UVRAG: variants seen among roughly 807,000 people sequenced by gnomAD.
UVRAG encodes UV radiation resistance-associated gene protein.
In UVRAG, 19 loss-of-function variants were observed where a neutral mutation model predicts 78.0. The observed-to-expected ratio is 0.24, with a 90% CI of 0.17 to 0.36. UVRAG has a LOEUF of 0.36. Among genes scored for constraint, UVRAG ranks in the 10% least tolerant of loss-of-function variants. The probability of loss-of-function intolerance (pLI) is 1.00; values close to 1 mark genes in which losing one functional copy is unlikely to be tolerated. For missense variants in UVRAG, 740 were observed against 853.8 expected, an observed-to-expected ratio of 0.87 and a Z score of 1.66; for synonymous variants, 323 against 324.6, an observed-to-expected ratio of 1.00 and a Z score of 0.05.
intron 7 of UVRAG, among the ~76,000 whole-genome samples, chr11:75,981,707 T>G (rs866791121): frequency 6.6e-6 from 1 of 152,166 alleles, no homozygotes; most frequent in South Asian, 2.1e-4. Flanking sequence ...TTTGGTATAG[T>G]TACACAGGTC....
chr11:76,020,207 C>T (rs1197056891), intron 12 of UVRAG, among the ~76,000 whole-genome samples: 1 of 151,958 alleles, frequency 6.6e-6, no homozygotes, highest in Admixed American at 6.6e-5. Context: ...TGCTGCCACA[C>T]CTGGGAGTCA....
intron 14 of UVRAG, among the ~76,000 whole-genome samples, chr11:76,117,173 C>G (rs916175962): frequency 6.6e-6 from 1 of 152,106 alleles, no homozygotes. Context: ...AAGCCCTGTC[C>G]CCAAGAGATT....
intron 1 of UVRAG, among the ~76,000 whole-genome samples, chr11:75,842,717 G>A (rs1476255370): frequency 2.0e-5 from 3 of 151,916 alleles, no homozygotes; most frequent in African/African-American, 2.4e-5. Flanking sequence ...CGGGATTACC[G>A]GCATGAGCCA....
chr11:75,883,777 A>AT (rs1183189958), intron 4 of UVRAG, among the ~76,000 whole-genome samples: 1 of 152,006 alleles, frequency 6.6e-6, no homozygotes, highest in Non-Finnish European at 1.5e-5. Flanking sequence ...TGAATAAAGT[A>AT]TTTTTTTTAA....
At chr11:76,027,967 T>G (rs959351634) in intron 12 of UVRAG, among the ~76,000 whole-genome samples, 12 of 152,284 alleles carry the variant, frequency 7.9e-5, no homozygotes, top group Non-Finnish European at 1.6e-4. Context: ...TTTTGCATTT[T>G]ACATTATTGT....
In UVRAG at chr11:75,983,372, A is replaced by C. The variant is rs910014417; in HGVS notation, c.700-15A>C. Reference sequence around the variant, plus strand: ...ATTTATATTCATAAATATACCTGTGATTTTATTTATTTAGAAAAAAAAAAG... The same window carrying C: ...ATTTATATTCATAAATATACCTGTGCTTTTATTTATTTAGAAAAAAAAAAG... On this transcript the variant is annotated splice_polypyrimidine_tract_variant and intron_variant, in intron 7 of 14. Transcript: ENST00000356136. 1 of 1,573,560 alleles carries C rather than the reference A, an allele frequency of 6.4e-7. No individual in the cohort carries two copies. The highest frequency in any genetic ancestry group is 8.6e-7 in the Non-Finnish European group (1 of 1,156,960).
intron 13 of UVRAG, among the ~76,000 whole-genome samples, chr11:76,094,207 C>T (rs1047498530): frequency 2.0e-4 from 31 of 152,126 alleles, no homozygotes; most frequent in Admixed American, 8.5e-4. Context: ...AGGGATGAAG[C>T]CCACTTGATC....
At chr11:76,004,151 A>G (rs1235102853) in intron 9 of UVRAG, 62 bp downstream of exon 9, 3 of 1,525,726 alleles carry the variant, frequency 2.0e-6, no homozygotes, top group Non-Finnish European at 2.7e-6. Context: ...TAGATTTGAA[A>G]AAGTAGCATT....
intron 6 of UVRAG, among the ~76,000 whole-genome samples, chr11:75,923,008 A>G (rs1948012893): frequency 6.8e-6 from 1 of 147,298 alleles, no homozygotes; most frequent in Admixed American, 6.8e-5. Flanking sequence ...TTTTTCATAT[A>G]TATATATATA....
chr11:75,909,154 C>T (rs1947681400), intron 5 of UVRAG, among the ~76,000 whole-genome samples: 1 of 151,862 alleles, frequency 6.6e-6, no homozygotes, highest in Non-Finnish European at 1.5e-5. Context: ...TAAAGAGCAG[C>T]CTTGGCAACA....
At chr11:76,050,523 T>G (rs1385573137) in intron 12 of UVRAG, among the ~76,000 whole-genome samples, 1 of 152,180 alleles carries the variant, frequency 6.6e-6, no homozygotes, top group Non-Finnish European at 1.5e-5. Context: ...AAACAGACAT[T>G]TGTATAAAAT....
At chr11:75,909,101 A>G (rs1406826522) in intron 5 of UVRAG, among the ~76,000 whole-genome samples, 1 of 151,890 alleles carries the variant, frequency 6.6e-6, no homozygotes, top group African/African-American at 2.4e-5. Flanking sequence ...TAATCCCAGC[A>G]CTTTGGGAGG....
At chr11:75,862,101 AAG>A (rs1383465599) in intron 3 of UVRAG, among the ~76,000 whole-genome samples, 10 of 152,186 alleles carry the variant, frequency 6.6e-5, no homozygotes, top group Non-Finnish European at 1.5e-4. Flanking sequence ...AAAATAAAAA[AAG>A]AAAAAAATAT....
chr11:75,954,736 A>G (rs1198821017), intron 6 of UVRAG, among the ~76,000 whole-genome samples: 1 of 152,160 alleles, frequency 6.6e-6, no homozygotes, highest in Admixed American at 6.5e-5. Flanking sequence ...GATGAAATTT[A>G]TTTTTCCCCC....
At chr11:75,924,580 G>A (rs1400163117) in intron 6 of UVRAG, among the ~76,000 whole-genome samples, 1 of 151,870 alleles carries the variant, frequency 6.6e-6, no homozygotes, top group African/African-American at 2.4e-5. Context: ...AGTAGAGAAG[G>A]GGTTTCACCG....
chr11:76,105,266 G>A (rs1393595818), intron 13 of UVRAG, among the ~76,000 whole-genome samples: 2 of 152,084 alleles, frequency 1.3e-5, no homozygotes, highest in Non-Finnish European at 2.9e-5. Context: ...TTAGCCAGAC[G>A]TGGTGGTGCA....
At chr11:75,931,279 C>T (rs1030818153) in intron 6 of UVRAG, among the ~76,000 whole-genome samples, 4 of 151,958 alleles carry the variant, frequency 2.6e-5, no homozygotes, top group African/African-American at 7.3e-5. Flanking sequence ...ACAAATGTCA[C>T]GTTATGACAC....
intron 6 of UVRAG, among the ~76,000 whole-genome samples, chr11:75,954,907 C>T (rs1338989780): frequency 1.3e-5 from 2 of 152,166 alleles, no homozygotes; most frequent in African/African-American, 2.4e-5. Flanking sequence ...GAAGAGGTTG[C>T]TTGAGCTGCC....
chr11:76,053,410 C>T (rs1418273988), intron 12 of UVRAG, among the ~76,000 whole-genome samples: 1 of 152,088 alleles, frequency 6.6e-6, no homozygotes, highest in Non-Finnish European at 1.5e-5. Flanking sequence ...CGCCATCTGC[C>T]TCGTTTCTCA....
Sources: allele counts gnomAD v4.1 joint callset (sites outside exome capture counted in the v4.1 genomes callset), GRCh38; gene constraint gnomAD v4.1.1; transcripts MANE v1.5; gene names NCBI Gene and HGNC (gene_info 2026-07-23, HGNC 2026-07-21).